Variants in PDE4D observed in about 807,000 individuals in gnomAD.
PDE4D encodes phosphodiesterase 4D, also known as 3',5'-cyclic-AMP phosphodiesterase 4D.
Under a neutral mutation model 87.4 loss-of-function variants are expected in PDE4D, and 24 were observed. The observed-to-expected ratio is 0.27, with a 90% confidence interval of 0.20 to 0.39. The LOEUF (loss-of-function observed/expected upper bound fraction) is 0.39. PDE4D is among the 10% of genes least tolerant of loss of function. The pLI is 1.00. For missense variants in PDE4D, 714 were observed against 1,041.0 expected, an observed-to-expected ratio of 0.69 and a Z score of 4.32; for synonymous variants, 384 against 383.2, an observed-to-expected ratio of 1.00 and a Z score of -0.02.
chr5:59,483,582 T>C (rs1156730823), intron 1 of PDE4D, among the ~76,000 whole-genome samples: 2 of 152,186 alleles, frequency 1.3e-5, no homozygotes, highest in Non-Finnish European at 2.9e-5. Flanking sequence ...TATCCCAGCA[T>C]TGCTGATACT....
chr5:59,483,687 T>G (rs1302868551), intron 1 of PDE4D, among the ~76,000 whole-genome samples: 1 of 152,040 alleles, frequency 6.6e-6, no homozygotes, highest in East Asian at 1.9e-4. Flanking sequence ...AAGTGGGGGT[T>G]CTGGATGGTA....
intron 1 of PDE4D, among the ~76,000 whole-genome samples, chr5:59,707,346 A>G (rs1405445710): frequency 6.6e-6 from 1 of 152,158 alleles, no homozygotes; most frequent in African/African-American, 2.4e-5. Flanking sequence ...AAAAAATGAG[A>G]AAATACAGTC....
chr5:60,310,207 C>T (rs1754882461), intron 1 of PDE4D, among the ~76,000 whole-genome samples: 1 of 152,096 alleles, frequency 6.6e-6, no homozygotes, highest in Admixed American at 6.5e-5. Flanking sequence ...CTCTCTTTGA[C>T]CTGATAGTTA....
intron 1 of PDE4D, among the ~76,000 whole-genome samples, chr5:60,195,736 A>AT (rs1035367190): frequency 6.6e-6 from 1 of 151,714 alleles, no homozygotes; most frequent in African/African-American, 2.4e-5. Flanking sequence ...CTCTGACAGA[A>AT]TCTCAGAATA....
At chr5:59,143,480 G>A (rs550199786) in intron 5 of PDE4D, among the ~76,000 whole-genome samples, 105 of 152,320 alleles carry the variant, frequency 6.9e-4, no homozygotes, top group African/African-American at 2.3e-3. Flanking sequence ...CAGCTGCACC[G>A]CTTACTGTGC....
At chr5:59,896,757 C>A (rs1751701936), upstream of PDE4D, among the ~76,000 whole-genome samples, 2 of 152,180 alleles carry the variant, frequency 1.3e-5, no homozygotes, top group Admixed American at 1.3e-4. Context: ...AGCTTATAAG[C>A]AAAGTTCTCA....
At chr5:59,065,903 T>G (rs1763856650) in intron 5 of PDE4D, among the ~76,000 whole-genome samples, 1 of 152,158 alleles carries the variant, frequency 6.6e-6, no homozygotes, top group East Asian at 1.9e-4. Context: ...CTTCTTTAAT[T>G]GGATCTAAGA....
At chr5:59,188,368 A>G (rs1292573014) in intron 3 of PDE4D, among the ~76,000 whole-genome samples, 1 of 152,180 alleles carries the variant, frequency 6.6e-6, no homozygotes, top group Non-Finnish European at 1.5e-5. Context: ...GTAGTTTTAC[A>G]GAAAAATTTT....
intron 2 of PDE4D, among the ~76,000 whole-genome samples, chr5:60,057,052 A>C (rs1273753727): frequency 6.6e-6 from 1 of 152,096 alleles, no homozygotes; most frequent in Non-Finnish European, 1.5e-5. Context: ...TTGGTTTTTA[A>C]ATCCTACATT....
rs540331335 is a variant in PDE4D at position 59,006,535 on chromosome 5, T to C, written c.922-13070A>G. On this transcript the variant is annotated intron_variant, in intron 6 of 14. Coordinates refer to ENST00000340635, the MANE Select transcript of PDE4D (RefSeq NM_001104631.2). ...AGTTTAAGGCTGCAGTGAGCTATGA[T>C]TGCACCACTGTACTCCAGCCTGGAT... is the stretch of plus-strand genomic sequence containing the variant. Among the ~76,000 whole-genome samples the C allele has an allele frequency of 2.6e-5, 4 of 152,196 alleles. No homozygotes were observed. The South Asian group carries it at 8.3e-4, about 32-fold the overall frequency.
Position 59,574,027 on chromosome 5 carries a change from TA to T in PDE4D, c.455+319140del, listed in dbSNP as rs1182960099. 9.2e-5 allele frequency among the ~76,000 whole-genome samples: 11 copies of T among 120,160 alleles called. 1 individual carries two copies. The highest frequency in any genetic ancestry group is 3.8e-4 in the African/African-American group (11 of 29,100). 78.8% of individuals were successfully genotyped at this position (120,160 alleles called of 152,430 possible). A position where few individuals can be genotyped will look rare whatever the true frequency, so the allele number is the denominator to read the frequency against. On this transcript the variant is annotated intron_variant, in intron 1 of 14. Transcript: ENST00000340635. ...AAAAATATATATATATATATATATA[TA>T]AAAATATATATTTATATATATTTAT...
chr5:59,514,790 T>C (rs558711750), intron 1 of PDE4D, among the ~76,000 whole-genome samples: 1 of 152,252 alleles, frequency 6.6e-6, no homozygotes, highest in East Asian at 1.9e-4. Context: ...ACAGAGTGTG[T>C]CTCAAAAACT....
intron 1 of PDE4D, among the ~76,000 whole-genome samples, chr5:59,561,876 G>A (rs565567331): frequency 3.3e-5 from 5 of 151,122 alleles, no homozygotes; most frequent in Admixed American, 3.3e-4. Flanking sequence ...ATGTTGCAGT[G>A]AGCTGAGATC....
At chr5:60,213,130 G>A (rs1393312343) in intron 1 of PDE4D, among the ~76,000 whole-genome samples, 2 of 152,146 alleles carry the variant, frequency 1.3e-5, no homozygotes, top group East Asian at 1.9e-4. Context: ...CACCTGTATT[G>A]TGGAGTCTGG....
chr5:59,178,092 T>C, intron 5 of PDE4D, among the ~76,000 whole-genome samples: 1 of 152,086 alleles, frequency 6.6e-6, no homozygotes, highest in Non-Finnish European at 1.5e-5. Flanking sequence ...GTGTCTCAAA[T>C]CTTACTAATG....
intron 1 of PDE4D, among the ~76,000 whole-genome samples, chr5:59,802,251 A>T (rs3105420): frequency 0.17 from 24,833 of 144,892 alleles, 2,242 homozygotes; most frequent in Middle Eastern, 0.28. Context: ...TTTTTTTTTT[A>T]AAGTTCTCTA....
chr5:60,332,953 T>C (rs1757434675), intron 1 of PDE4D, among the ~76,000 whole-genome samples: 1 of 152,220 alleles, frequency 6.6e-6, no homozygotes, highest in Admixed American at 6.5e-5. Flanking sequence ...TATAGCATCC[T>C]GACATCCAAG....
chr5:60,119,223 G>T (rs1285259863), intron 2 of PDE4D, among the ~76,000 whole-genome samples: 2 of 152,126 alleles, frequency 1.3e-5, no homozygotes, highest in Non-Finnish European at 2.9e-5. Context: ...CTGTGATTGA[G>T]AGGCCTTGGT....
chr5:59,591,318 T>C (rs1344820355), intron 1 of PDE4D, among the ~76,000 whole-genome samples: 1 of 152,160 alleles, frequency 6.6e-6, no homozygotes, highest in Non-Finnish European at 1.5e-5. Context: ...ATGATTAAGT[T>C]CAACCTTTAT....
Sources: gnomAD v4.1 joint callset for allele counts (sites outside exome capture counted in the v4.1 genomes callset) on GRCh38, gnomAD v4.1.1 for gene constraint, MANE v1.5 for transcripts, NCBI Gene and HGNC (gene_info 2026-07-23, HGNC 2026-07-21) for gene names.